ASXL1: variants seen among roughly 807,000 people sequenced by gnomAD.
ASXL1 encodes polycomb group protein ASXL1.
ASXL1 carries 65 observed loss-of-function variants against 89.1 expected under a neutral mutation model. The ratio of observed to expected loss-of-function variants is 0.73; its 90% confidence interval spans 0.60 to 0.90. The LOEUF is 0.90. ASXL1 is among the 40% of genes least tolerant of loss of function. The pLI is 0.00. For missense variants in ASXL1, 1,786 were observed against 1,942.9 expected (o/e 0.92, Z 1.52); for synonymous variants, 739 against 746.9 (o/e 0.99, Z 0.17).
At chr20:32,411,605 G>A (rs1226445364) in intron 4 of ASXL1, among the ~76,000 whole-genome samples, 1 of 143,798 alleles carries the variant, frequency 7.0e-6, no homozygotes, top group Non-Finnish European at 1.5e-5. Flanking sequence ...GCAGTAGTGC[G>A]ATCTTGGCTC....
chr20:32,391,819 T>C (rs1291413309), intron 4 of ASXL1, among the ~76,000 whole-genome samples: 1 of 152,230 alleles, frequency 6.6e-6, no homozygotes, highest in Non-Finnish European at 1.5e-5. Flanking sequence ...AAATTTCTGC[T>C]CTTCCTGGCA....
At chr20:32,382,292 C>T (rs925201455) in intron 4 of ASXL1, among the ~76,000 whole-genome samples, 1 of 152,002 alleles carries the variant, frequency 6.6e-6, no homozygotes, top group African/African-American at 2.4e-5. Context: ...CTCTTTAGAG[C>T]AGTTCTACAT....
intron 4 of ASXL1, among the ~76,000 whole-genome samples, chr20:32,421,842 G>C (rs931483513): frequency 5.3e-5 from 8 of 151,220 alleles, no homozygotes; most frequent in African/African-American, 1.7e-4. Flanking sequence ...TTGCCTTCGT[G>C]GGGTGAGAGG....
chr20:32,406,927 T>C (rs183090615), intron 4 of ASXL1, among the ~76,000 whole-genome samples: 371 of 152,290 alleles, frequency 2.4e-3, no homozygotes, highest in Middle Eastern at 0.017. Flanking sequence ...CCTCCACTTT[T>C]GTATGGATGC....
intron 11 of ASXL1, 125 bp from the exon 12 acceptor site, chr20:32,433,159 A>T: frequency 6.5e-7 from 1 of 1,544,552 alleles, no homozygotes; most frequent in Non-Finnish European, 8.8e-7. Flanking sequence ...TTCCATGGTT[A>T]GATTGTGCAC....
At chr20:32,396,083 G>A (rs1333283343) in intron 4 of ASXL1, among the ~76,000 whole-genome samples, 4 of 152,166 alleles carry the variant, frequency 2.6e-5, no homozygotes, top group Non-Finnish European at 5.9e-5. Context: ...ACAGGAATGA[G>A]CGACCACACC....
At chr20:32,398,084 A>G (rs934035577) in intron 4 of ASXL1, among the ~76,000 whole-genome samples, 1 of 152,230 alleles carries the variant, frequency 6.6e-6, no homozygotes, top group African/African-American at 2.4e-5. Flanking sequence ...ATTGTTATGT[A>G]TCCTTTTGGG....
At chr20:32,427,194 G>C (rs2011338632) in intron 4 of ASXL1, 1 of 152,144 alleles carries the variant, frequency 6.6e-6, no homozygotes, top group African/African-American at 2.4e-5. Context: ...TTAATTCTGA[G>C]TCTACATGTC....
rs111362153 is a variant in ASXL1 at position 32,406,388 on chromosome 20, G to GA, written c.253-21728dup. Among the ~76,000 whole-genome samples the GA allele has an allele frequency of 1.9e-3, 280 of 144,368 alleles. 1 individual carries two copies. The highest frequency in any genetic ancestry group is 5.8e-3 in the African/African-American group (230 of 39,566). 94.7% of individuals were successfully genotyped at this position (144,368 alleles called of 152,430 possible). On this transcript the variant is annotated intron_variant, in intron 4 of 12. Coordinates refer to ENST00000375687, the MANE Select transcript of ASXL1 (RefSeq NM_015338.6). The stretch of plus-strand genomic sequence containing the variant: ...CATGTCAAAACCCCATCTATATGGG[G>GA]AAAAAAAAAAAAGTTAGCCAGGTGT...
intron 4 of ASXL1, among the ~76,000 whole-genome samples, chr20:32,421,236 TTAA>T (rs1172521995): frequency 8.8e-6 from 1 of 113,678 alleles, no homozygotes; most frequent in South Asian, 2.8e-4. Context: ...AAAGTAAAAT[TTAA>T]AAAAAAAAAA....
intron 4 of ASXL1, among the ~76,000 whole-genome samples, chr20:32,370,965 TAAAAAAAAAAAA>T (rs776902032): frequency 1.1e-5 from 1 of 87,378 alleles, no homozygotes; most frequent in Non-Finnish European, 2.1e-5. Context: ...TTGTCTCTAT[TAAAAAAAAAAAA>T]AAAAAAAAAA....
intron 3 of ASXL1, among the ~76,000 whole-genome samples, chr20:32,368,387 G>C (rs1189483058): frequency 6.6e-6 from 1 of 152,096 alleles, no homozygotes; most frequent in Non-Finnish European, 1.5e-5. Context: ...GCATTACTGG[G>C]AACTAAATCC....
chr20:32,393,265 T>TA (rs1165034001), intron 4 of ASXL1, among the ~76,000 whole-genome samples: 1 of 152,218 alleles, frequency 6.6e-6, no homozygotes, highest in Non-Finnish European at 1.5e-5. Context: ...TGACAGAACT[T>TA]ACTTTGTCTC....
In ASXL1 at chr20:32,437,699, A is replaced by T. The variant is rs1199000526; in HGVS notation, c.*361A>T. 1 of 359,338 alleles carries T rather than the reference A, an allele frequency of 2.8e-6. No homozygotes were observed. Among genetic ancestry groups the T allele is most frequent in the East Asian group, 4.7e-5 (1 of 21,398 alleles). 22.3% of individuals were successfully genotyped at this position (359,338 alleles called of 1,614,324 possible). A position where few individuals can be genotyped will look rare whatever the true frequency, so the allele number is the denominator to read the frequency against. On this transcript the variant is annotated 3_prime_UTR_variant, in exon 13 of 13. Coordinates refer to ENST00000375687, the MANE Select transcript of ASXL1 (RefSeq NM_015338.6). ...CATTCTCCACCAAGGGAGTTAACCT[A>T]CCTGAACTAAGTAGAAATGCCAGTC...
In ASXL1 at chr20:32,436,246, G is replaced by T. The variant is rs1366421876; in HGVS notation, c.3534G>T (p.Leu1178=). The change falls in exon 13 of 13, where the codon CTG becomes CTT. Residue 1178 remains leucine, a synonymous_variant. Coordinates refer to ENST00000375687, the MANE Select transcript of ASXL1 (RefSeq NM_015338.6). The part of the protein sequence containing the change: ...SSLRALKEPL[L]PDSCETGTGL... Reference sequence around the variant, plus strand: ...TAAGGGCTTTGAAGGAGCCTCTTCTGCCAGATAGCTGTGAAACAGGCACTG... The same window carrying T: ...TAAGGGCTTTGAAGGAGCCTCTTCTTCCAGATAGCTGTGAAACAGGCACTG... The T allele has an allele frequency of 4.3e-6, 7 of 1,614,104 alleles. No individual in the cohort carries two copies. The highest frequency in any genetic ancestry group is 5.9e-6 in the Non-Finnish European group (7 of 1,180,058).
At chr20:32,372,681 AC>A (rs2048317856) in intron 4 of ASXL1, 1 of 161,430 alleles carries the variant, frequency 6.2e-6, no homozygotes, top group Non-Finnish European at 1.4e-5. Context: ...TGCAACCTCC[AC>A]CGCCCAGGCT....
At position 32,437,695 on chromosome 20, in the gene ASXL1, ACCTACC is replaced by A; in HGVS notation, c.*358_*363del. ...GTTGCATTCTCCACCAAGGGAGTTA[ACCTACC>A]TGAACTAAGTAGAAATGCCAGTCTT... is the stretch of plus-strand genomic sequence containing the variant. On this transcript the variant is annotated 3_prime_UTR_variant, in exon 13 of 13. Coordinates refer to ENST00000375687, the MANE Select transcript of ASXL1 (RefSeq NM_015338.6). The A allele has an allele frequency of 2.8e-6, 1 of 363,382 alleles. No homozygotes were observed. Among genetic ancestry groups the A allele is most frequent in the Non-Finnish European group, 5.1e-6 (1 of 197,138 alleles). The allele number at this position is 363,382 out of a possible 1,614,324, so 22.5% of individuals were successfully genotyped here. A position where few individuals can be genotyped will look rare whatever the true frequency, so the allele number is the denominator to read the frequency against.
chr20:32,424,550 A>C (rs569304538), intron 4 of ASXL1, among the ~76,000 whole-genome samples: 7 of 152,226 alleles, frequency 4.6e-5, no homozygotes, highest in South Asian at 2.1e-4. Flanking sequence ...AACAAACAAA[A>C]AAACTGCCAC....
intron 1 of ASXL1, among the ~76,000 whole-genome samples, chr20:32,365,006 C>T (rs564735912): frequency 3.3e-5 from 5 of 152,118 alleles, no homozygotes; most frequent in East Asian, 1.9e-4. Context: ...ATGACACCTG[C>T]GTTTCTGAAT....
Sources: gnomAD v4.1 joint callset for allele counts (sites outside exome capture counted in the v4.1 genomes callset) on GRCh38, gnomAD v4.1.1 for gene constraint, MANE v1.5 for transcripts, NCBI Gene and HGNC (gene_info 2026-07-23, HGNC 2026-07-21) for gene names.